Variants in TMC3 observed in about 807,000 individuals in gnomAD.
TMC3 encodes the protein transmembrane channel like 3, also known as transmembrane channel-like protein 3.
In TMC3, 98 loss-of-function variants were observed where a neutral mutation model predicts 110.6. The observed-to-expected ratio is 0.89, with a 90% confidence interval of 0.75 to 1.05. The LOEUF is 1.05. Among genes scored for constraint, TMC3 ranks in the 50% least tolerant of loss-of-function variants. The pLI, the probability that TMC3 is intolerant of heterozygous loss-of-function variation, is 0.00. For synonymous variants in TMC3, 489 were observed against 513.1 expected (o/e 0.95, Z 0.63); for missense variants, 1,319 against 1,373.2 (o/e 0.96, Z 0.62).
intron 3 of TMC3, among the ~76,000 whole-genome samples, chr15:81,367,038 A>G (rs1894330958): frequency 6.6e-6 from 1 of 152,190 alleles, no homozygotes; most frequent in African/African-American, 2.4e-5. Flanking sequence ...ATTTATCAAA[A>G]GCCAAACAAT....
Position 81,339,413 on chromosome 15 carries a change from G to A in TMC3, c.1936C>T (p.Leu646=). Reference sequence around the variant, plus strand: ...ACTTACCTGAATGGCCCACAGTTTAGAGATGGCTTGTATCGGACAATAGCA... The same window carrying A: ...ACTTACCTGAATGGCCCACAGTTTAAAGATGGCTTGTATCGGACAATAGCA... ...IFAIVRYKPS[L]NCGPFSGQEK... The change falls in exon 17 of 22, where the codon CTA becomes TTA. Residue 646 remains leucine, a synonymous_variant. Coordinates refer to ENST00000359440, the MANE Select transcript of TMC3 (RefSeq NM_001080532.3). 1 of 1,610,838 alleles carries A rather than the reference G, an allele frequency of 6.2e-7. No individual in the cohort carries two copies. Among genetic ancestry groups the A allele is most frequent in the East Asian group, 2.2e-5 (1 of 44,826 alleles).
chr15:81,363,473 A>C (rs57731539), intron 3 of TMC3, among the ~76,000 whole-genome samples: 10,442 of 152,266 alleles, frequency 0.069, 376 homozygotes, highest in African/African-American at 0.089. Context: ...TGACATTCTG[A>C]ACTATAAGAC....
intron 3 of TMC3, among the ~76,000 whole-genome samples, chr15:81,363,775 C>T (rs773422441): frequency 6.6e-6 from 1 of 152,166 alleles, no homozygotes; most frequent in Non-Finnish European, 1.5e-5. Flanking sequence ...TTTTGTTCAC[C>T]TGGCTTGTCT....
rs1471246593 is a variant in TMC3, at chr15:81,341,406, C to T, written c.1828G>A (p.Val610Ile). The part of the protein sequence containing the change: ...VLTCNVPHQQ[V>I]FRASRSNNFY... ...CTTACTCACCTTGAGGCTCGAAATA[C>T]TTGCTGGTGGGGCACATTGCAGGTC... Residue 610 changes from valine (V) to isoleucine (I), a missense_variant, in exon 16 of 22, where the codon GTA becomes ATA. By Grantham distance (29) the Val-to-Ile change is conservative (BLOSUM62 3). Coordinates refer to ENST00000359440, the MANE Select transcript of TMC3 (RefSeq NM_001080532.3). 2 of 1,611,166 alleles carry T rather than the reference C, an allele frequency of 1.2e-6. No individual in the cohort carries two copies. Among genetic ancestry groups the T allele is most frequent in the Non-Finnish European group, 1.7e-6 (2 of 1,178,638 alleles).
At chr15:81,349,017 G>T (rs1375714212) in intron 11 of TMC3, among the ~76,000 whole-genome samples, 1 of 151,978 alleles carries the variant, frequency 6.6e-6, no homozygotes. Flanking sequence ...TTTTAGTAGA[G>T]ACAGGGTTTC....
rs1893552864 is a variant in TMC3 at position 81,334,773 on chromosome 15, A to G, written c.2406T>C (p.Pro802=). Residue 802 remains proline, a synonymous_variant, in exon 21 of 22, where the codon CCT becomes CCC. Transcript: ENST00000359440. The part of the protein sequence containing the change: ...PQSPRPGDRA[P]SSPLPGVPKS... ...TGGGGACCCCAGGGAGAGGTGAGCT[A>G]GGAGCCCTGTCCCCTGGCCTCGGGC... 6.2e-7 allele frequency: 1 copy of G among 1,613,998 alleles called. No individual in the cohort carries two copies. Among genetic ancestry groups the G allele is most frequent in the South Asian group, 1.1e-5 (1 of 91,088 alleles).
At chr15:81,366,948 T>C (rs1185064211) in intron 3 of TMC3, among the ~76,000 whole-genome samples, 4 of 152,224 alleles carry the variant, frequency 2.6e-5, no homozygotes, top group Non-Finnish European at 4.4e-5. Flanking sequence ...AAAAATGTAA[T>C]AATCAACATT....
intron 10 of TMC3, among the ~76,000 whole-genome samples, chr15:81,350,084 CA>C (rs57328398): frequency 0.038 from 5,260 of 138,968 alleles, 126 homozygotes; most frequent in East Asian, 0.16. Flanking sequence ...CCATCTCTAC[CA>C]AAAAAAAAAA....
At chr15:81,367,788 C>G (rs1291910851) in intron 3 of TMC3, among the ~76,000 whole-genome samples, 6 of 152,202 alleles carry the variant, frequency 3.9e-5, no homozygotes, top group African/African-American at 1.4e-4. Context: ...GAAATTCATA[C>G]TTTTCAACTC....
Position 81,334,780 on chromosome 15 carries a change from C to T in TMC3, c.2399G>A (p.Arg800Lys), listed in dbSNP as rs202219946. 103 of 1,614,018 alleles carry T rather than the reference C, an allele frequency of 6.4e-5. No individual in the cohort carries two copies. The African/African-American group carries it at 1.3e-3, about 20-fold the overall frequency. Residue 800 changes from arginine to lysine, a missense_variant, in exon 21 of 22, where the codon AGG becomes AAG. By Grantham distance (26) the Arg-to-Lys change is conservative. Coordinates refer to ENST00000359440, the MANE Select transcript of TMC3 (RefSeq NM_001080532.3). Reference protein sequence around the residue: ...SMPQSPRPGDRAPSSPLPGVP... With the variant: ...SMPQSPRPGDKAPSSPLPGVP... ...CCCAGGGAGAGGTGAGCTAGGAGCC[C>T]TGTCCCCTGGCCTCGGGCTCTGGGG...
intron 4 of TMC3, 92 bp from the exon 5 acceptor site, chr15:81,359,563 C>A (rs1034449305): frequency 1.5e-5 from 12 of 808,554 alleles, no homozygotes; most frequent in Non-Finnish European, 2.3e-5. Flanking sequence ...TTTTTTACAT[C>A]CACGGGACAT....
rs898781518 is a variant in TMC3, at chr15:81,368,007, T to C, written c.312+246A>G. Among the ~76,000 whole-genome samples the C allele has an allele frequency of 5.9e-5, 9 of 152,132 alleles. No individual in the cohort carries two copies. The East Asian group carries it at 1.7e-3, about 29-fold the overall frequency. ...TGGAGTGCAGTGGCGTGATCTCGGC[T>C]CACTGCAACCTCTGCCTCCCAGGCT... On this transcript the variant is annotated intron_variant, in intron 3 of 21. Transcript: ENST00000359440.
At position 81,339,464 on chromosome 15, in the gene TMC3, A is replaced by G. The variant is rs1188494001; in HGVS notation, c.1885T>C (p.Phe629Leu). The change falls in exon 17 of 22, where the codon TTT (phenylalanine) becomes CTT (leucine). Residue 629 changes from phenylalanine to leucine, a missense_variant. Coordinates refer to ENST00000359440, the MANE Select transcript of TMC3 (RefSeq NM_001080532.3). ...AAAATGGTTGGCAGCATGCACAGAAACAGCATAAACAGGAGCATTGCCAAG... is the reference window on the plus strand; with the variant it reads ...AAAATGGTTGGCAGCATGCACAGAAGCAGCATAAACAGGAGCATTGCCAAG... ...FYLAMLLFML[F>L]LCMLPTIFAI... 6.2e-7 allele frequency: 1 copy of G among 1,608,874 alleles called. No homozygotes were observed.
At chr15:81,361,241 A>G (rs1894181217) in intron 4 of TMC3, among the ~76,000 whole-genome samples, 1 of 152,130 alleles carries the variant, frequency 6.6e-6, no homozygotes. Flanking sequence ...TTTTATGATT[A>G]GATATGTCTC....
intron 10 of TMC3, among the ~76,000 whole-genome samples, chr15:81,350,470 A>G (rs1893924059): frequency 6.7e-6 from 1 of 148,566 alleles, no homozygotes; most frequent in Admixed American, 6.6e-5. Context: ...TTTAGCTGGT[A>G]CAGAAGATGT....
Position 81,358,140 on chromosome 15 carries a change from C to A in TMC3, c.743+9G>T. On this transcript the variant is annotated intron_variant, in intron 7 of 21. Transcript: ENST00000359440. Reference sequence around the variant, plus strand: ...TTGATATGTATTTTGAGAAATTGAGCAGTCATACTTTTTTAAAAGAATGAT... The same window carrying A: ...TTGATATGTATTTTGAGAAATTGAGAAGTCATACTTTTTTAAAAGAATGAT... 1 of 1,576,698 alleles carries A rather than the reference C, an allele frequency of 6.3e-7. No homozygotes were observed. Among genetic ancestry groups the A allele is most frequent in the Non-Finnish European group, 8.6e-7 (1 of 1,163,982 alleles).
rs1894379320 is a variant in TMC3, at chr15:81,369,075, T to C, written c.237-747A>G. ...ATACCACCCCATGCAGAGATGCTCA[T>C]TATCTGATGGTCGGATGCCCTCTGC... On this transcript the variant is annotated intron_variant, in intron 2 of 21. Transcript: ENST00000359440. Among the ~76,000 whole-genome samples the C allele has an allele frequency of 2.6e-5, 4 of 152,212 alleles. No individual in the cohort carries two copies. In the South Asian group the frequency reaches 8.3e-4, roughly 32 times the overall value.
At chr15:81,362,383 T>C in intron 3 of TMC3, 82 bp from the exon 4 acceptor site, 1 of 1,043,646 alleles carries the variant, frequency 9.6e-7, no homozygotes, top group African/African-American at 1.6e-5. Context: ...CTAAATGGAG[T>C]ATACCAGACA....
intron 3 of TMC3, among the ~76,000 whole-genome samples, chr15:81,364,280 G>A (rs1894256406): frequency 2.6e-5 from 4 of 152,104 alleles, no homozygotes. Context: ...GTCTATGCAA[G>A]TTGGCCTAAA....
Sources: allele counts gnomAD v4.1 joint callset (sites outside exome capture counted in the v4.1 genomes callset), GRCh38; gene constraint gnomAD v4.1.1; transcripts MANE v1.5; gene names NCBI Gene and HGNC (gene_info 2026-07-23, HGNC 2026-07-21).